Variants in PRPF8 observed in about 807,000 individuals in gnomAD.
The protein encoded by PRPF8 is pre-mRNA processing factor 8.
A neutral mutation model predicts 285.9 loss-of-function variants in PRPF8; 64 were observed. That is an observed-to-expected ratio of 0.22 (90% CI 0.18 to 0.28). PRPF8 has a LOEUF of 0.28. Among genes scored for constraint, PRPF8 ranks in the 10% least tolerant of loss-of-function variants. PRPF8 has a pLI of 1.00. For synonymous variants in PRPF8, 1,325 were observed against 1,118.2 expected, an observed-to-expected ratio of 1.18 and a Z score of -3.69; for missense variants, 1,426 against 3,026.7, an observed-to-expected ratio of 0.47 and a Z score of 12.41.
chr17:1,661,438 G>T lies in PRPF8; in HGVS notation c.4203-32C>A. ...AAAAAAGAAAGATTCAAGTCAAAAC[G>T]TGATCTCATATGAGGAGCTCAGCAC... On this transcript the variant is annotated intron_variant, in intron 26 of 42. Transcript: ENST00000304992. This position sits in a 1 kb window ranked among gnomAD's most constrained non-coding sequence, Gnocchi z 7.3. 1 of 1,613,972 alleles carries T rather than the reference G, an allele frequency of 6.2e-7. No homozygotes were observed.
Position 1,679,789 on chromosome 17 carries a change from G to A in PRPF8, c.1109C>T (p.Pro370Leu). 6.2e-7 allele frequency: 1 copy of A among 1,614,164 alleles called. No homozygotes were observed. The highest frequency in any genetic ancestry group is 8.5e-7 in the Non-Finnish European group (1 of 1,180,036). ...AAATTCCTCATCATCATCCGGCAAT[G>A]GTTCCTGGCTCTGAAAAAGGAATCC... ...SHRHSVKSQEPLPDDDEEFEL... is the reference protein window; with the variant it reads ...SHRHSVKSQELLPDDDEEFEL... The change falls in exon 9 of 43, where the codon CCA becomes CTA. Residue 370 changes from proline (P) to leucine (L), a missense_variant. Pro to Leu is a moderately conservative substitution (Grantham distance 98). Transcript: ENST00000304992. The surrounding 1 kb of genome is among the most constrained non-coding windows in gnomAD (Gnocchi z 4.7).
At chr17:1,681,214 G>A (rs925952235) in intron 6 of PRPF8, among the ~76,000 whole-genome samples, 160 bp from the exon 7 acceptor site, 1 of 151,758 alleles carries the variant, frequency 6.6e-6, no homozygotes, top group Non-Finnish European at 1.5e-5. Context: ...CCAAGTAACT[G>A]AGACTACACG....
At chr17:1,671,603 G>C (rs1166113841) in intron 24 of PRPF8, among the ~76,000 whole-genome samples, 2 of 152,068 alleles carry the variant, frequency 1.3e-5, no homozygotes, top group African/African-American at 2.4e-5. Flanking sequence ...TGTAATCCCA[G>C]TACTTTGGGA....
In PRPF8 at chr17:1,679,719, G is replaced by C; in HGVS notation, c.1179C>G (p.Leu393=). The stretch of plus-strand genomic sequence containing the variant: ...TGCCATTGGCTGTATTGTCTGTATA[G>C]AGGGGTGTGTCCTTCAGGAAGGGCT... ...FVEPFLKDTP[L]YTDNTANGIA... Residue 393 remains leucine (L), a synonymous_variant, in exon 9 of 43, where the codon CTC becomes CTG. Coordinates refer to ENST00000304992, the MANE Select transcript of PRPF8 (RefSeq NM_006445.4). This position sits in a 1 kb window ranked among gnomAD's most constrained non-coding sequence, Gnocchi z 4.7. 3 of 1,614,168 alleles carry C rather than the reference G, an allele frequency of 1.9e-6. No individual in the cohort carries two copies. The highest frequency in any genetic ancestry group is 1.7e-6 in the Non-Finnish European group (2 of 1,180,042).
chr17:1,673,032 C>T lies in PRPF8; in HGVS notation c.3774+49G>A, dbSNP rs1257372365. On this transcript the variant is annotated intron_variant, in intron 24 of 42. Transcript: ENST00000304992. The surrounding 1 kb of genome is among the most constrained non-coding windows in gnomAD (Gnocchi z 5.5). ...CGAAGTGAAAGGGGTGTGAAATGAG[C>T]AGAGGACAGCAGAGGACAAGAGGGA... The T allele has an allele frequency of 3.9e-6, 6 of 1,529,560 alleles. No individual in the cohort carries two copies. Among genetic ancestry groups the T allele is most frequent in the Non-Finnish European group, 4.5e-6 (5 of 1,103,010 alleles). The allele number at this position is 1,529,560 out of a possible 1,614,324, so 94.7% of individuals were successfully genotyped here. A position where few individuals can be genotyped will look rare whatever the true frequency, so the allele number is the denominator to read the frequency against.
chr17:1,681,029 C>T lies in PRPF8; in HGVS notation c.892G>A (p.Asp298Asn). 1 of 1,613,020 alleles carries T rather than the reference C, an allele frequency of 6.2e-7. No individual in the cohort carries two copies. Among genetic ancestry groups the T allele is most frequent in the Non-Finnish European group, 8.5e-7 (1 of 1,179,342 alleles). Residue 298 changes from aspartate (D) to asparagine (N), a missense_variant, in exon 7 of 43, where the codon GAT (aspartate) becomes AAT (asparagine). Physicochemically the swap from Asp to Asn is conservative, Grantham distance 23 (BLOSUM62 1). Coordinates refer to ENST00000304992, the MANE Select transcript of PRPF8 (RefSeq NM_006445.4). Reference protein sequence around the residue: ...LQDEDWNEFNDINKIIIRQPI... With the variant: ...LQDEDWNEFNNINKIIIRQPI... ...TGCCGGATGATAATCTTGTTAATAT[C>T]ATTGAATTCATTCCAGTCTTCATCC...
intron 21 of PRPF8, 51 bp downstream of exon 21, chr17:1,674,391 A>G: frequency 6.4e-7 from 1 of 1,558,288 alleles, no homozygotes; most frequent in Non-Finnish European, 8.9e-7. Flanking sequence ...TTCAGAGGCA[A>G]AGCACATGCC....
chr17:1,676,199 C>T lies in PRPF8; in HGVS notation c.2552+8G>A. ...TCCCAGCAGGAACCTATCTACCCTACTACTCACCTATAAGCTTCCTTGAGC... is the reference window on the plus strand; with the variant it reads ...TCCCAGCAGGAACCTATCTACCCTATTACTCACCTATAAGCTTCCTTGAGC... On this transcript the variant is annotated splice_region_variant and intron_variant, in intron 17 of 42. Transcript: ENST00000304992. The surrounding 1 kb of genome is among the most constrained non-coding windows in gnomAD (Gnocchi z 6.3). 1 of 1,613,486 alleles carries T rather than the reference C, an allele frequency of 6.2e-7. No individual in the cohort carries two copies. Among genetic ancestry groups the T allele is most frequent in the South Asian group, 1.1e-5 (1 of 91,062 alleles).
chr17:1,651,099 C>T lies in PRPF8; in HGVS notation c.6853+9G>A. The T allele has an allele frequency of 6.2e-7, 1 of 1,614,154 alleles. No individual in the cohort carries two copies. Among genetic ancestry groups the T allele is most frequent in the South Asian group, 1.1e-5 (1 of 91,084 alleles). ...GCTATCCCCACATCCCCAGGCTCCT[C>T]CCACTTACCCATGAAGTTGTAGTTC... is the stretch of plus-strand genomic sequence containing the variant. On this transcript the variant is annotated intron_variant, in intron 42 of 42. Transcript: ENST00000304992. The surrounding 1 kb of genome is among the most constrained non-coding windows in gnomAD (Gnocchi z 5.1).
chr17:1,660,142 G>C, intron 30 of PRPF8, 141 bp from the exon 31 acceptor site: 2 of 1,123,438 alleles, frequency 1.8e-6, no homozygotes, highest in Non-Finnish European at 1.3e-6. Context: ...AGAGCAAGCT[G>C]AGCTGACTCT....
At chr17:1,683,507 T>G in intron 3 of PRPF8, 26 bp downstream of exon 3, 1 of 1,613,774 alleles carries the variant, frequency 6.2e-7, no homozygotes, top group Non-Finnish European at 8.5e-7. Flanking sequence ...AAATTCCAAA[T>G]GAAATTATTT....
At chr17:1,682,107 A>C (rs753545393) in intron 4 of PRPF8, 22 bp downstream of exon 4, 2 of 1,613,010 alleles carry the variant, frequency 1.2e-6, no homozygotes, top group Non-Finnish European at 1.7e-6. Context: ...ACCACCACCC[A>C]CCATATTTCA....
intron 24 of PRPF8, among the ~76,000 whole-genome samples, chr17:1,671,873 A>AAT (rs1555552804): frequency 9.3e-5 from 14 of 150,138 alleles, no homozygotes; most frequent in African/African-American, 3.5e-4. Flanking sequence ...AAAAAAAAAA[A>AAT]AATTAAAAAT....
chr17:1,664,929 G>C (rs754408782), intron 24 of PRPF8, among the ~76,000 whole-genome samples: 1 of 151,904 alleles, frequency 6.6e-6, no homozygotes, highest in African/African-American at 2.4e-5. Context: ...AAGCCAAGGC[G>C]GGTGAATCAC....
intron 1 of PRPF8, 54 bp from the exon 2 acceptor site, chr17:1,684,636 A>C: frequency 4.5e-6 from 7 of 1,545,700 alleles, no homozygotes; most frequent in East Asian, 2.3e-5. Flanking sequence ...GGCCCACAAG[A>C]AGCGCAGCAG....
chr17:1,652,641 G>C (rs796372444), intron 39 of PRPF8: 35 of 152,430 alleles, frequency 2.3e-4, no homozygotes, highest in African/African-American at 8.2e-4. Flanking sequence ...CACCCTCCAG[G>C]ATCAGGTGAT....
chr17:1,678,775 A>G lies in PRPF8; in HGVS notation c.1706T>C (p.Val569Ala), dbSNP rs775761616. The change falls in exon 12 of 43, where the codon GTG (valine) becomes GCG (alanine). Residue 569 changes from valine to alanine, a missense_variant. Around this residue, in one of 34 missense-constraint regions of PRPF8, gnomAD observed 69 missense variants for 134.7 expected, o/e 0.51. Coordinates refer to ENST00000304992, the MANE Select transcript of PRPF8 (RefSeq NM_006445.4). ...ACCTAACCTTACCTGGAAGGCATCC[A>G]CATTGCCCAGCCGATACTGCACGTG... ...DSHVQYRLGN[V>A]DAFQLADGLQ... 6.2e-7 allele frequency: 1 copy of G among 1,614,014 alleles called. No homozygotes were observed. The highest frequency in any genetic ancestry group is 8.5e-7 in the Non-Finnish European group (1 of 1,180,026).
At position 1,655,539 on chromosome 17, in the gene PRPF8, A is replaced by G; in HGVS notation, c.5798T>C (p.Phe1933Ser). 1 of 1,612,088 alleles carries G rather than the reference A, an allele frequency of 6.2e-7. No homozygotes were observed. Among genetic ancestry groups the G allele is most frequent in the Non-Finnish European group, 8.5e-7 (1 of 1,178,200 alleles). Residue 1933 changes from phenylalanine (F) to serine (S), a missense_variant, in exon 37 of 43, where the codon TTC becomes TCC. By Grantham distance (155) the Phe-to-Ser change is radical (BLOSUM62 -2). Coordinates refer to ENST00000304992, the MANE Select transcript of PRPF8 (RefSeq NM_006445.4). ...ACGCAGAATCAGGATGAGACGGGAG[A>G]AGGCCTGGGAAAAGATTTGGAAGAG... ...WLKTISSYTA[F>S]SRLILILRAL...
chr17:1,671,769 T>A (rs1456090870), intron 24 of PRPF8, among the ~76,000 whole-genome samples: 1 of 142,216 alleles, frequency 7.0e-6, no homozygotes, highest in Non-Finnish European at 1.5e-5. Context: ...GAGAATGGCG[T>A]GAACCTGGGA....
Sources: allele counts gnomAD v4.1 joint callset (sites outside exome capture counted in the v4.1 genomes callset), GRCh38; gene constraint gnomAD v4.1.1; regional missense constraint gnomAD v4.1.1; non-coding constraint Gnocchi (gnomAD v3.1); transcripts MANE v1.5; gene names NCBI Gene and HGNC (gene_info 2026-07-23, HGNC 2026-07-21).